MYRIP: variants seen among roughly 807,000 people sequenced by gnomAD.
MYRIP encodes the protein myosin VIIA and Rab interacting protein, also known as rab effector MyRIP.
Under a neutral mutation model 98.0 loss-of-function variants are expected in MYRIP, and 49 were observed. The observed-to-expected ratio is 0.50, with a 90% CI of 0.40 to 0.63. The LOEUF (loss-of-function observed/expected upper bound fraction) is 0.63. Ranked by LOEUF, MYRIP falls within the 30% of genes least tolerant of loss-of-function variation. The probability of loss-of-function intolerance (pLI) is 0.00; values close to 1 mark genes in which losing one functional copy is unlikely to be tolerated. For missense variants in MYRIP, 1,004 were observed against 1,058.2 expected (o/e 0.95, Z 0.71); for synonymous variants, 404 against 409.5 (o/e 0.99, Z 0.16).
chr3:40,190,929 A>C (rs1951191541), intron 10 of MYRIP, among the ~76,000 whole-genome samples: 2 of 152,188 alleles, frequency 1.3e-5, no homozygotes, highest in African/African-American at 4.8e-5. Flanking sequence ...TCTAGTTCTC[A>C]GTTTCCTCAT....
At chr3:40,099,284 A>G (rs1172710792) in intron 3 of MYRIP, among the ~76,000 whole-genome samples, 3 of 152,234 alleles carry the variant, frequency 2.0e-5, no homozygotes, top group Non-Finnish European at 2.9e-5. Flanking sequence ...GAAAAATGCT[A>G]TGCTTATTAA....
chr3:40,176,637 G>A (rs1262059740), intron 8 of MYRIP, among the ~76,000 whole-genome samples: 1 of 152,102 alleles, frequency 6.6e-6, no homozygotes, highest in African/African-American at 2.4e-5. Context: ...CAGGTGCCCA[G>A]GTGCTCACGC....
At chr3:40,195,362 G>C (rs867592027) in intron 10 of MYRIP, among the ~76,000 whole-genome samples, 103 of 152,152 alleles carry the variant, frequency 6.8e-4, no homozygotes, top group African/African-American at 2.4e-3. Flanking sequence ...GTGGCACAAC[G>C]GCTCACTGCA....
intron 1 of MYRIP, among the ~76,000 whole-genome samples, chr3:39,839,314 G>A (rs951338047): frequency 2.6e-5 from 4 of 151,628 alleles, no homozygotes; most frequent in African/African-American, 9.7e-5. Context: ...ATGGAGTGCA[G>A]TGGCATGATC....
In MYRIP at chr3:39,962,821, G is replaced by T. The variant is rs147383535; in HGVS notation, c.110+61895G>T. 7.2e-5 allele frequency among the ~76,000 whole-genome samples: 11 copies of T among 152,172 alleles called. No homozygotes were observed. In the East Asian group the frequency reaches 1.7e-3, roughly 24 times the overall value. On this transcript the variant is annotated intron_variant, in intron 2 of 16. Transcript: ENST00000302541. The stretch of plus-strand genomic sequence containing the variant: ...TAGGAATGTGAAAGAAAATCTGCCA[G>T]CCCATTCTTGGCCAAGATGCTGGAT...
chr3:39,952,318 GC>G (rs1358040926), intron 2 of MYRIP, among the ~76,000 whole-genome samples: 2 of 151,974 alleles, frequency 1.3e-5, no homozygotes, highest in Non-Finnish European at 1.5e-5. Context: ...TCACTCCCTA[GC>G]CATTATTTAA....
intron 2 of MYRIP, among the ~76,000 whole-genome samples, chr3:40,020,081 T>TC (rs1483037798): frequency 2.0e-5 from 3 of 152,152 alleles, no homozygotes; most frequent in Non-Finnish European, 4.4e-5. Flanking sequence ...ATACAGATAA[T>TC]CCCCATCACT....
At chr3:40,204,473 C>T (rs1049609496) in intron 10 of MYRIP, among the ~76,000 whole-genome samples, 5 of 151,204 alleles carry the variant, frequency 3.3e-5, no homozygotes, top group South Asian at 2.1e-4. Context: ...TGAACCACCA[C>T]GCCTGGCCAC....
At chr3:39,895,290 G>A (rs1253587663) in intron 1 of MYRIP, among the ~76,000 whole-genome samples, 1 of 151,756 alleles carries the variant, frequency 6.6e-6, no homozygotes, top group Non-Finnish European at 1.5e-5. Context: ...GGGTTCGAGC[G>A]ATTCTCCTGC....
At chr3:40,013,096 A>AT (rs1382778260) in intron 2 of MYRIP, among the ~76,000 whole-genome samples, 10 of 151,444 alleles carry the variant, frequency 6.6e-5, no homozygotes, top group Non-Finnish European at 1.2e-4. Flanking sequence ...CTGCATTTCT[A>AT]TTTTTCAGCC....
rs373008323 is a variant in MYRIP at position 40,175,776 on chromosome 3, C to T, written c.873+5683C>T. Among the ~76,000 whole-genome samples the T allele has an allele frequency of 4.6e-5, 7 of 152,378 alleles. 1 individual carries two copies. The South Asian group carries it at 1.4e-3, about 32-fold the overall frequency. ...AAAAAGCCTGTGCCAGGAGAGTGAA[C>T]CCAAATTTCAGACCACTGGTCTAGG... is the stretch of plus-strand genomic sequence containing the variant. On this transcript the variant is annotated intron_variant, in intron 8 of 16. Transcript: ENST00000302541.
At chr3:39,929,900 T>C (rs1326171336) in intron 2 of MYRIP, among the ~76,000 whole-genome samples, 1 of 152,054 alleles carries the variant, frequency 6.6e-6, no homozygotes, top group East Asian at 1.9e-4. Flanking sequence ...TAAGCGTGTA[T>C]CAGTATTTCA....
At chr3:40,016,869 G>A (rs749867710) in intron 2 of MYRIP, among the ~76,000 whole-genome samples, 15 of 152,324 alleles carry the variant, frequency 9.8e-5, no homozygotes, top group South Asian at 8.3e-4. Context: ...CAGGTTTCCT[G>A]TAAAGAGCTG....
intron 11 of MYRIP, among the ~76,000 whole-genome samples, chr3:40,215,133 G>A (rs993423845): frequency 1.3e-5 from 2 of 152,152 alleles, no homozygotes; most frequent in Non-Finnish European, 2.9e-5. Context: ...TTGCACTATA[G>A]TCAAATTTGT....
intron 4 of MYRIP, among the ~76,000 whole-genome samples, chr3:40,158,358 A>T (rs1950293198): frequency 6.6e-6 from 1 of 152,182 alleles, no homozygotes; most frequent in Non-Finnish European, 1.5e-5. Flanking sequence ...GTGGTCTGAG[A>T]GACTGTTTGT....
At chr3:39,816,080 T>TC (rs1277267710) in intron 1 of MYRIP, among the ~76,000 whole-genome samples, 1 of 149,270 alleles carries the variant, frequency 6.7e-6, no homozygotes, top group African/African-American at 2.5e-5. Flanking sequence ...CTTTTTTTCT[T>TC]TTTTTTTTTG....
chr3:39,998,137 C>T (rs577189345), intron 2 of MYRIP, among the ~76,000 whole-genome samples: 1 of 152,224 alleles, frequency 6.6e-6, no homozygotes, highest in East Asian at 1.9e-4. Context: ...ACAGGGATGC[C>T]CTCTCTCACC....
intron 2 of MYRIP, among the ~76,000 whole-genome samples, chr3:39,992,465 T>C: frequency 6.6e-6 from 1 of 152,212 alleles, no homozygotes; most frequent in Middle Eastern, 3.2e-3. Context: ...CTTTTTCAAA[T>C]AGTGGCTCTT....
chr3:40,036,892 T>C (rs561578473), intron 2 of MYRIP, among the ~76,000 whole-genome samples: 3 of 152,256 alleles, frequency 2.0e-5, no homozygotes, highest in South Asian at 2.1e-4. Flanking sequence ...GTTTGTATTG[T>C]TGATGACGAG....
Sources: allele counts gnomAD v4.1 joint callset (sites outside exome capture counted in the v4.1 genomes callset), GRCh38; gene constraint gnomAD v4.1.1; transcripts MANE v1.5; gene names NCBI Gene and HGNC (gene_info 2026-07-23, HGNC 2026-07-21).